The following RCC1 variants were observed in gnomAD, a reference collection of about 807,000 sequenced individuals.
RCC1 encodes regulator of chromosome condensation 1, also known as regulator of chromosome condensation.
In RCC1, 11 loss-of-function variants were observed where a neutral mutation model predicts 44.4. That is an observed-to-expected ratio of 0.25 (90% CI 0.16 to 0.41). The LOEUF is 0.41. RCC1 is among the 10% of genes least tolerant of loss of function. The pLI is 1.00. For synonymous variants in RCC1, 213 were observed against 216.5 expected (o/e 0.98, Z 0.14); for missense variants, 386 against 547.1 (o/e 0.71, Z 2.94).
chr1:28,531,709 G>A, intron 5 of RCC1, 94 bp from the exon 6 acceptor site: 1 of 1,022,684 alleles, frequency 9.8e-7, no homozygotes, highest in Non-Finnish European at 1.4e-6. Context: ...GCAGAGCAGG[G>A]GCTTCTGCAC....
chr1:28,538,582 G>A lies in RCC1; in HGVS notation c.*575G>A, dbSNP rs1036878237. The A allele has an allele frequency of 3.9e-5, 6 of 152,222 alleles. No homozygotes were observed. Among genetic ancestry groups the A allele is most frequent in the Non-Finnish European group, 7.3e-5 (5 of 68,078 alleles). 9.4% of individuals were successfully genotyped at this position (152,222 alleles called of 1,614,324 possible). On this transcript the variant is annotated 3_prime_UTR_variant, in exon 13 of 13. Coordinates refer to ENST00000683442, the MANE Select transcript of RCC1 (RefSeq NM_001381865.2). ...AGGTGTCCATGGGACAAAAAAGAAC[G>A]ATCCTCCACTTGACCAAGAAAAAAG...
chr1:28,510,537 G>T (rs1033598422), intron 3 of RCC1: 5 of 152,212 alleles, frequency 3.3e-5, no homozygotes, highest in African/African-American at 1.2e-4. Context: ...CCGGGAGATG[G>T]AGGTTGTACT....
rs74891018 is a variant in RCC1 at position 28,532,305 on chromosome 1, A to C, written c.396A>C (p.Ala132=). Residue 132 remains alanine (A), a synonymous_variant, in exon 7 of 13, where the codon GCA becomes GCC. Coordinates refer to ENST00000683442, the MANE Select transcript of RCC1 (RefSeq NM_001381865.2). ...VQVSAGDSHT[A]ALTDDGRVFL... ...TGTCAGCAGGAGACAGTCACACAGC[A>C]GCCCTCACCGATGATGGCCGTGTCT... 996 of 1,614,158 alleles carry C rather than the reference A, an allele frequency of 6.2e-4. 4 individuals carry two copies. The African/African-American group carries it at 0.01, about 17-fold the overall frequency.
At chr1:28,534,092 G>A (rs1351148744) in intron 7 of RCC1, among the ~76,000 whole-genome samples, 1 of 151,642 alleles carries the variant, frequency 6.6e-6, no homozygotes, top group East Asian at 2.0e-4. Flanking sequence ...TGGCCAGGCT[G>A]GTTGTGAATT....
Position 28,538,207 on chromosome 1 carries a change from AG to A in RCC1, c.*207del. The A allele has an allele frequency of 1.2e-4, 56 of 448,622 alleles. No individual in the cohort carries two copies. Among genetic ancestry groups the A allele is most frequent in the East Asian group, 3.2e-4 (8 of 24,616 alleles). The allele number at this position is 448,622 out of a possible 1,614,324, so 27.8% of individuals were successfully genotyped here. Reference sequence around the variant, plus strand: ...AATTTTCCTGGGACCTACAGAATAAAGGGGGGGATGGACAGGGGGTTTTCAA... The same window carrying A: ...AATTTTCCTGGGACCTACAGAATAAAGGGGGGATGGACAGGGGGTTTTCAA... On this transcript the variant is annotated 3_prime_UTR_variant, in exon 13 of 13. Transcript: ENST00000683442.
chr1:28,529,972 G>A (rs764422934), intron 5 of RCC1, 33 bp downstream of exon 5: 1 of 1,574,540 alleles, frequency 6.4e-7, no homozygotes, highest in Admixed American at 1.7e-5. Context: ...GTGGGTACAG[G>A]TGGCCCCTTG....
At position 28,530,601 on chromosome 1, in the gene RCC1, A is replaced by G. The variant is rs758074508; in HGVS notation, c.73+662A>G. The G allele has an allele frequency of 6.2e-6, 10 of 1,604,502 alleles. No individual in the cohort carries two copies. In the South Asian group the frequency reaches 7.7e-5, roughly 12 times the overall value. ...GCCTGCGGGCCGAGCCCTCCTGACC[A>G]GAAAACCCGACCAGGTGGCTCCGCG... is the stretch of plus-strand genomic sequence containing the variant. On this transcript the variant is annotated intron_variant, in intron 5 of 12. Coordinates refer to ENST00000683442, the MANE Select transcript of RCC1 (RefSeq NM_001381865.2).
chr1:28,512,282 G>A (rs80345285), intron 3 of RCC1, among the ~76,000 whole-genome samples: 17,740 of 144,522 alleles, frequency 0.12, 2,514 homozygotes, highest in African/African-American at 0.36. Context: ...CTTTCCCTAA[G>A]GATCCACAAT....
intron 4 of RCC1, chr1:28,526,896 C>CA: frequency 1.4e-6 from 1 of 715,230 alleles, no homozygotes; most frequent in Non-Finnish European, 2.5e-6. Context: ...GACTCCGTCT[C>CA]GGAAAAAAAA....
chr1:28,528,660 T>TA (rs898916280), intron 4 of RCC1, among the ~76,000 whole-genome samples: 1 of 152,142 alleles, frequency 6.6e-6, no homozygotes, highest in African/African-American at 2.4e-5. Flanking sequence ...TGCTCCTTGT[T>TA]AAACATCTTA....
intron 5 of RCC1, chr1:28,530,408 G>T (rs1165640666): frequency 1.2e-6 from 1 of 837,374 alleles, no homozygotes; most frequent in East Asian, 2.7e-5. Flanking sequence ...GAGGGAGGTG[G>T]CTGTGGTTTC....
chr1:28,532,015 G>T, intron 6 of RCC1, 25 bp downstream of exon 6: 2 of 1,562,300 alleles, frequency 1.3e-6, no homozygotes, highest in Non-Finnish European at 1.7e-6. Flanking sequence ...CTGGCACAGG[G>T]TTGGACAAGG....
At chr1:28,533,770 CAAAAAA>C (rs747565890) in intron 7 of RCC1, among the ~76,000 whole-genome samples, 1 of 31,984 alleles carries the variant, frequency 3.1e-5, no homozygotes, top group African/African-American at 1.1e-4. Context: ...AACTCTGTCT[CAAAAAA>C]AAAAAAAAAA....
At chr1:28,517,094 C>T (rs1662939154) in intron 4 of RCC1, among the ~76,000 whole-genome samples, 1 of 151,864 alleles carries the variant, frequency 6.6e-6, no homozygotes, top group Non-Finnish European at 1.5e-5. Context: ...GCACTCCAGC[C>T]CGGGTGACAA....
chr1:28,517,427 T>C (rs1662962074), intron 4 of RCC1, among the ~76,000 whole-genome samples: 1 of 152,118 alleles, frequency 6.6e-6, no homozygotes, highest in African/African-American at 2.4e-5. Context: ...GCTCCCGTTT[T>C]CCCCAAGTCC....
At chr1:28,508,339 A>G (rs766114603) in intron 2 of RCC1, 179 bp downstream of exon 2, 1 of 353,212 alleles carries the variant, frequency 2.8e-6, no homozygotes, top group Non-Finnish European at 5.6e-6. Flanking sequence ...GCATGTTGAC[A>G]TAACTTCAAC....
intron 3 of RCC1, chr1:28,510,233 T>G (rs1228139741): frequency 6.6e-6 from 1 of 152,264 alleles, no homozygotes; most frequent in Non-Finnish European, 1.5e-5. Context: ...TGCCAAGGTG[T>G]TGAGGTCAGG....
rs1664690369 is a variant in RCC1, at chr1:28,538,399, T to C, written c.*392T>C. The C allele has an allele frequency of 6.0e-6, 1 of 165,460 alleles. No individual in the cohort carries two copies. Among genetic ancestry groups the C allele is most frequent in the Non-Finnish European group, 1.3e-5 (1 of 76,508 alleles). The allele number at this position is 165,460 out of a possible 1,614,324, so 10.2% of individuals were successfully genotyped here. ...GTTGGGGCTCCATCAAGCCCCATTC[T>C]AGTCATGTGCCCCTTTCCTGTCCCT... On this transcript the variant is annotated 3_prime_UTR_variant, in exon 13 of 13. Coordinates refer to ENST00000683442, the MANE Select transcript of RCC1 (RefSeq NM_001381865.2).
chr1:28,535,873 C>T lies in RCC1; in HGVS notation c.664C>T (p.Arg222Ter), dbSNP rs1557880952. The T allele has an allele frequency of 6.2e-7, 1 of 1,611,294 alleles. No homozygotes were observed. Among genetic ancestry groups the T allele is most frequent in the Non-Finnish European group, 8.5e-7 (1 of 1,178,470 alleles). ...CGTGGCTTTCCCTTTGCCTGCAGAA[C>T]GACTCCTGGTCCCCAAGTGTGTGAT... ...ANRGGRQGLE[R>*]LLVPKCVMLK... The change falls in exon 10 of 13, where the codon CGA becomes TGA. Residue 222 changes from arginine to a stop codon, truncating the protein, a stop_gained and splice_region_variant. Transcript: ENST00000683442. LOFTEE classifies it high-confidence loss of function.
Sources: allele counts gnomAD v4.1 joint callset (sites outside exome capture counted in the v4.1 genomes callset), GRCh38; gene constraint gnomAD v4.1.1; transcripts MANE v1.5; gene names NCBI Gene and HGNC (gene_info 2026-07-23, HGNC 2026-07-21).